Variants in CEP85L observed in about 807,000 individuals in gnomAD.
CEP85L encodes the protein centrosomal protein of 85 kDa-like.
CEP85L carries 60 observed loss-of-function variants against 100.3 expected under a neutral mutation model. The ratio of observed to expected loss-of-function variants is 0.60; its 90% CI spans 0.49 to 0.74. CEP85L has a LOEUF of 0.74. Ranked by LOEUF, CEP85L falls within the 30% of genes least tolerant of loss-of-function variation. The probability of loss-of-function intolerance (pLI) is 0.00; values close to 1 mark genes in which losing one functional copy is unlikely to be tolerated. For missense variants in CEP85L, 973 were observed against 936.2 expected (o/e 1.04, Z -0.51); for synonymous variants, 319 against 322.7 (o/e 0.99, Z 0.12).
At chr6:118,514,677 T>C (rs1294559965) in intron 4 of CEP85L, among the ~76,000 whole-genome samples, 1 of 151,956 alleles carries the variant, frequency 6.6e-6, no homozygotes, top group Non-Finnish European at 1.5e-5. Context: ...CTATATACTA[T>C]CTACAAGAAA....
At chr6:118,546,553 C>T (rs1778214603) in intron 3 of CEP85L, among the ~76,000 whole-genome samples, 1 of 152,130 alleles carries the variant, frequency 6.6e-6, no homozygotes, top group Admixed American at 6.5e-5. Flanking sequence ...CTATTTACAT[C>T]TTAAAAATTT....
chr6:118,609,576 CAT>C (rs1314115509), intron 2 of CEP85L, among the ~76,000 whole-genome samples: 12 of 152,090 alleles, frequency 7.9e-5, no homozygotes, highest in Admixed American at 2.0e-4. Flanking sequence ...AGTATACAGA[CAT>C]ATATTCCCTC....
At chr6:118,564,789 A>G (rs1779409023) in intron 3 of CEP85L, among the ~76,000 whole-genome samples, 1 of 152,222 alleles carries the variant, frequency 6.6e-6, no homozygotes, top group East Asian at 1.9e-4. Context: ...AACAGATGAC[A>G]GGACTTATAT....
At chr6:118,467,088 A>T (rs1772582042) in intron 12 of CEP85L, among the ~76,000 whole-genome samples, 1 of 152,154 alleles carries the variant, frequency 6.6e-6, no homozygotes, top group Non-Finnish European at 1.5e-5. Flanking sequence ...GAACCGGTTC[A>T]GGGAGGGAAG....
At chr6:118,486,291 T>C (rs1427873212) in intron 6 of CEP85L, among the ~76,000 whole-genome samples, 1 of 152,208 alleles carries the variant, frequency 6.6e-6, no homozygotes. Context: ...GAGGTGTCAC[T>C]AATAAATCTT....
intron 1 of CEP85L, among the ~76,000 whole-genome samples, chr6:118,703,221 T>C (rs1049524053): frequency 6.6e-6 from 1 of 152,152 alleles, no homozygotes; most frequent in African/African-American, 2.4e-5. Flanking sequence ...TGTTTGCTTA[T>C]TTTTTCTTTC....
chr6:118,650,588 G>A (rs995157418), intron 1 of CEP85L, among the ~76,000 whole-genome samples: 1 of 152,194 alleles, frequency 6.6e-6, no homozygotes, highest in Non-Finnish European at 1.5e-5. Flanking sequence ...CAGGGGCTGC[G>A]GGGCGGCGAC....
At chr6:118,672,770 G>T (rs1420106067) in intron 1 of CEP85L, among the ~76,000 whole-genome samples, 1 of 142,056 alleles carries the variant, frequency 7.0e-6, no homozygotes, top group Admixed American at 7.1e-5. Context: ...TGTCTCAGAA[G>T]AAGAAAGAAG....
chr6:118,592,699 T>C (rs1490570483), intron 2 of CEP85L, among the ~76,000 whole-genome samples: 1 of 152,138 alleles, frequency 6.6e-6, no homozygotes, highest in African/African-American at 2.4e-5. Context: ...TTTAATTAAA[T>C]GAAAAATTTA....
intron 1 of CEP85L, among the ~76,000 whole-genome samples, chr6:118,633,396 A>T (rs1017234795): frequency 2.0e-5 from 3 of 151,890 alleles, no homozygotes; most frequent in African/African-American, 7.3e-5. Flanking sequence ...AGTAGAGATG[A>T]GGTTTCACCG....
At chr6:118,708,114 A>T (rs541895494) in intron 1 of CEP85L, among the ~76,000 whole-genome samples, 17 of 152,318 alleles carry the variant, frequency 1.1e-4, no homozygotes, top group African/African-American at 4.1e-4. Flanking sequence ...ATAGACAAAG[A>T]TATCTTTGGG....
intron 4 of CEP85L, among the ~76,000 whole-genome samples, chr6:118,519,781 T>C (rs1776551573): frequency 6.6e-6 from 1 of 152,022 alleles, no homozygotes; most frequent in Non-Finnish European, 1.5e-5. Context: ...AAAATACTAG[T>C]TGTACACAAG....
chr6:118,600,247 A>ACAATG (rs1410403728), intron 2 of CEP85L, among the ~76,000 whole-genome samples: 13 of 145,388 alleles, frequency 8.9e-5, no homozygotes, highest in African/African-American at 3.0e-4. Context: ...TTGTTACTAT[A>ACAATG]CAATGCAGAG....
chr6:118,652,975 TC>T (rs892942007), upstream of CEP85L, among the ~76,000 whole-genome samples: 1 of 152,218 alleles, frequency 6.6e-6, no homozygotes, highest in Non-Finnish European at 1.5e-5. Flanking sequence ...GATTTTTTTT[TC>T]ATGCTTTGTA....
intron 1 of CEP85L, among the ~76,000 whole-genome samples, chr6:118,694,445 T>C (rs1777141783): frequency 6.6e-6 from 1 of 152,236 alleles, no homozygotes; most frequent in African/African-American, 2.4e-5. Flanking sequence ...TAATTTACCA[T>C]GTCTGAAATC....
chr6:118,697,797 G>A lies in CEP85L; in HGVS notation c.-28+12239C>T, dbSNP rs145891974. 1.5e-4 allele frequency among the ~76,000 whole-genome samples: 23 copies of A among 152,250 alleles called. No individual in the cohort carries two copies. In the East Asian group the frequency reaches 3.1e-3, roughly 20 times the overall value. On this transcript the variant is annotated intron_variant, in intron 1 of 13. Coordinates refer to the CEP85L transcript ENST00000368488. ...CGAATATGTCTGACTTTATAGCTGT[G>A]TAGATCAGATAACATTCACTTCATG...
intron 1 of CEP85L, among the ~76,000 whole-genome samples, chr6:118,701,047 C>A (rs556337784): frequency 1.0e-3 from 157 of 152,332 alleles, no homozygotes; most frequent in Middle Eastern, 3.4e-3. Context: ...GTAGGAGAGA[C>A]ATAATCCCAA....
At chr6:118,572,663 G>A (rs1430452589) in intron 2 of CEP85L, among the ~76,000 whole-genome samples, 4 of 152,166 alleles carry the variant, frequency 2.6e-5, no homozygotes, top group African/African-American at 9.7e-5. Context: ...CACACTGCTA[G>A]GAGTGGGGCT....
intron 3 of CEP85L, among the ~76,000 whole-genome samples, chr6:118,540,754 TTAAATAAATAAATAAATAAATAAA>T (rs72219779): frequency 5.4e-5 from 8 of 147,620 alleles, no homozygotes; most frequent in Non-Finnish European, 1.2e-4. Flanking sequence ...AGACCCCATC[TTAAATAAATAAATAAATAAATAAA>T]TAAATAAATA....
Sources: allele counts gnomAD v4.1 joint callset (sites outside exome capture counted in the v4.1 genomes callset), GRCh38; gene constraint gnomAD v4.1.1; transcripts MANE v1.5; gene names NCBI Gene and HGNC (gene_info 2026-07-23, HGNC 2026-07-21).